PPM1D: variants seen among roughly 807,000 people sequenced by gnomAD.
PPM1D encodes the protein protein phosphatase, Mg2+/Mn2+ dependent 1D.
PPM1D carries 52 observed loss-of-function variants against 58.3 expected under a neutral mutation model. The ratio of observed to expected loss-of-function variants is 0.89; its 90% CI spans 0.71 to 1.12. The LOEUF (loss-of-function observed/expected upper bound fraction) is 1.12. Ranked by LOEUF, PPM1D falls within the 50% of genes most tolerant of loss-of-function variation. The probability of loss-of-function intolerance (pLI) is 0.00; values close to 1 mark genes in which losing one functional copy is unlikely to be tolerated. For synonymous variants in PPM1D, 278 were observed against 285.1 expected, an observed-to-expected ratio of 0.98 and a Z score of 0.25; for missense variants, 564 against 777.2, an observed-to-expected ratio of 0.73 and a Z score of 3.26.
intron 1 of PPM1D, among the ~76,000 whole-genome samples, chr17:60,603,570 C>T (rs1295176495): frequency 6.6e-6 from 1 of 152,190 alleles, no homozygotes; most frequent in Non-Finnish European, 1.5e-5. Flanking sequence ...TGAGACCAGC[C>T]TGGCCAACAT....
At position 60,640,953 on chromosome 17, in the gene PPM1D, G is replaced by A. The variant is rs1003036556; in HGVS notation, c.827-6939G>A. 2.6e-5 allele frequency among the ~76,000 whole-genome samples: 4 copies of A among 151,492 alleles called. No individual in the cohort carries two copies. The South Asian group carries it at 8.3e-4, about 31-fold the overall frequency. On this transcript the variant is annotated intron_variant, in intron 3 of 5. Coordinates refer to ENST00000305921, the MANE Select transcript of PPM1D (RefSeq NM_003620.4). ...ATTTCATTTTTTTTTTTGTGGCTGT[G>A]TAGTATTCTGTAGTGTGTATGTACC...
intron 4 of PPM1D, among the ~76,000 whole-genome samples, chr17:60,651,401 GTTT>G (rs1218606024): frequency 7.2e-6 from 1 of 139,116 alleles, no homozygotes; most frequent in Non-Finnish European, 1.6e-5. Context: ...AGTGTTTTTG[GTTT>G]TTTTTTTTTT....
intron 2 of PPM1D, among the ~76,000 whole-genome samples, chr17:60,627,955 G>T (rs9899747): frequency 6.6e-6 from 1 of 150,614 alleles, no homozygotes; most frequent in African/African-American, 2.4e-5. Flanking sequence ...GCACGATCTC[G>T]TCTCACCGCA....
chr17:60,625,003 G>A (rs951968114), intron 2 of PPM1D, among the ~76,000 whole-genome samples: 1 of 151,762 alleles, frequency 6.6e-6, no homozygotes. Context: ...TTAGCCGGGC[G>A]TGGCAGCGTG....
intron 1 of PPM1D, among the ~76,000 whole-genome samples, chr17:60,608,577 C>T (rs1365844538): frequency 5.9e-5 from 9 of 151,772 alleles, no homozygotes; most frequent in Non-Finnish European, 7.4e-5. Context: ...GGCAACAGAG[C>T]GAGATTCTGT....
chr17:60,637,785 A>T (rs1030590001), intron 3 of PPM1D, among the ~76,000 whole-genome samples: 24 of 151,958 alleles, frequency 1.6e-4, no homozygotes, highest in African/African-American at 4.8e-4. Flanking sequence ...GATTAAAATT[A>T]AAAAAAAATC....
At chr17:60,632,070 C>T (rs2030933181) in intron 2 of PPM1D, among the ~76,000 whole-genome samples, 1 of 151,838 alleles carries the variant, frequency 6.6e-6, no homozygotes, top group Non-Finnish European at 1.5e-5. Flanking sequence ...CCCAGCTACT[C>T]ATAGTCCCAG....
Position 60,600,400 on chromosome 17 carries a change from C to A in PPM1D, c.-15C>A. 6.5e-7 allele frequency: 1 copy of A among 1,540,442 alleles called. No homozygotes were observed. Among genetic ancestry groups the A allele is most frequent in the South Asian group, 1.2e-5 (1 of 83,834 alleles). On this transcript the variant is annotated 5_prime_UTR_variant, in exon 1 of 6. Transcript: ENST00000305921. The stretch of plus-strand genomic sequence containing the variant: ...GCGGGCTGCGTGGGACCGGCGGGAT[C>A]CCGGCCAGCCGGCCATGGCGGGGCT...
intron 2 of PPM1D, among the ~76,000 whole-genome samples, chr17:60,632,915 C>T (rs547012726): frequency 1.4e-5 from 2 of 145,626 alleles, no homozygotes; most frequent in Non-Finnish European, 3.0e-5. Flanking sequence ...TGCAGTGAGT[C>T]GAGATGGTGC....
At chr17:60,619,423 A>G (rs2030652668) in intron 1 of PPM1D, among the ~76,000 whole-genome samples, 1 of 152,112 alleles carries the variant, frequency 6.6e-6, no homozygotes, top group Non-Finnish European at 1.5e-5. Flanking sequence ...CCTGAGTCAT[A>G]TGGTACTTCT....
intron 1 of PPM1D, among the ~76,000 whole-genome samples, chr17:60,615,144 C>A (rs541921900): frequency 6.6e-6 from 1 of 152,164 alleles, no homozygotes; most frequent in Non-Finnish European, 1.5e-5. Flanking sequence ...CACCTCTAAT[C>A]CCAACACTTT....
intron 1 of PPM1D, among the ~76,000 whole-genome samples, chr17:60,617,847 ACCAT>A (rs2030616264): frequency 6.6e-6 from 1 of 152,214 alleles, no homozygotes; most frequent in Non-Finnish European, 1.5e-5. Context: ...TAAACTGAAC[ACCAT>A]CCAGTTAGGA....
rs2143732147 is a variant in PPM1D, at chr17:60,663,170, C to T, written c.1436C>T (p.Ala479Val). Residue 479 changes from alanine to valine, a missense_variant, in exon 6 of 6, where the codon GCT becomes GTT. Physicochemically the swap from Ala to Val is moderately conservative, Grantham distance 64. Coordinates refer to ENST00000305921, the MANE Select transcript of PPM1D (RefSeq NM_003620.4). ...KDPEPLEENC[A>V]KALTLRIHDS... Reference sequence around the variant, plus strand: ...CCAGAACCACTTGAAGAAAATTGCGCTAAAGCCCTGACTTTAAGGATACAT... The same window carrying T: ...CCAGAACCACTTGAAGAAAATTGCGTTAAAGCCCTGACTTTAAGGATACAT... 6.2e-7 allele frequency: 1 copy of T among 1,614,180 alleles called. No individual in the cohort carries two copies. The highest frequency in any genetic ancestry group is 1.7e-5 in the Admixed American group (1 of 60,020).
chr17:60,634,138 TG>T (rs1169289168), intron 3 of PPM1D, among the ~76,000 whole-genome samples, 161 bp downstream of exon 3: 1 of 152,160 alleles, frequency 6.6e-6, no homozygotes, highest in African/African-American at 2.4e-5. Context: ...AAGCCATGCA[TG>T]GTGGCTCACG....
chr17:60,609,727 T>C lies in PPM1D; in HGVS notation c.472+8841T>C, dbSNP rs576596361. Among the ~76,000 whole-genome samples, 12 of 152,298 alleles carry C rather than the reference T, an allele frequency of 7.9e-5. No homozygotes were observed. The South Asian group carries it at 2.5e-3, about 32-fold the overall frequency. ...GGTGTGGTTATCGGATCAACTCTTA[T>C]GGTATTGCAGTGTTTATGTTCAAGT... On this transcript the variant is annotated intron_variant, in intron 1 of 5. Coordinates refer to ENST00000305921, the MANE Select transcript of PPM1D (RefSeq NM_003620.4).
intron 1 of PPM1D, among the ~76,000 whole-genome samples, chr17:60,605,965 G>A (rs949732526): frequency 3.9e-5 from 6 of 152,114 alleles, no homozygotes; most frequent in African/African-American, 7.2e-5. Context: ...ATTTAGTGGC[G>A]TTAAGTGTAT....
chr17:60,652,829 T>A (rs990043344), intron 4 of PPM1D, among the ~76,000 whole-genome samples: 4 of 152,118 alleles, frequency 2.6e-5, no homozygotes, highest in African/African-American at 9.7e-5. Flanking sequence ...GTATTTTAGA[T>A]CTTTTGCCCA....
chr17:60,643,830 C>G (rs2031183701), intron 3 of PPM1D, among the ~76,000 whole-genome samples: 1 of 149,082 alleles, frequency 6.7e-6, no homozygotes, highest in African/African-American at 2.5e-5. Flanking sequence ...CAAGAGGAAA[C>G]AATCAGATGG....
chr17:60,631,848 T>G (rs1244455864), intron 2 of PPM1D, among the ~76,000 whole-genome samples: 1 of 152,206 alleles, frequency 6.6e-6, no homozygotes, highest in Admixed American at 6.5e-5. Context: ...AGACCATCTC[T>G]AATGTTTTGA....
Sources: gnomAD v4.1 joint callset for allele counts (sites outside exome capture counted in the v4.1 genomes callset) on GRCh38, gnomAD v4.1.1 for gene constraint, MANE v1.5 for transcripts, NCBI Gene and HGNC (gene_info 2026-07-23, HGNC 2026-07-21) for gene names.